Variants in RPH3AL observed in about 807,000 individuals in gnomAD.
RPH3AL encodes rabphilin 3A like (without C2 domains).
Under a neutral mutation model 43.1 loss-of-function variants are expected in RPH3AL, and 38 were observed. That is an observed-to-expected ratio of 0.88 (90% CI 0.68 to 1.15). The LOEUF (loss-of-function observed/expected upper bound fraction) is 1.15, where lower values mean the gene tolerates loss of function less well. RPH3AL is among the 50% of genes most tolerant of loss of function. RPH3AL has a pLI of 0.00. For missense variants in RPH3AL, 462 were observed against 423.2 expected (o/e 1.09, Z -0.81); for synonymous variants, 189 against 176.3 (o/e 1.07, Z -0.57).
intron 6 of RPH3AL, among the ~76,000 whole-genome samples, chr17:268,914 C>T (rs373535044): frequency 4.8e-4 from 73 of 151,792 alleles, no homozygotes; most frequent in Non-Finnish European, 6.8e-4. Flanking sequence ...AGTCTCGCTC[C>T]GTCACCCAGG....
chr17:315,646 T>TA (rs1567510861), intron 5 of RPH3AL, among the ~76,000 whole-genome samples: 8 of 148,062 alleles, frequency 5.4e-5, no homozygotes, highest in Admixed American at 6.7e-5. Flanking sequence ...TGACCTGTAG[T>TA]CCCTGTGCTC....
intron 3 of RPH3AL, 114 bp from the exon 4 acceptor site, chr17:321,529 C>A: frequency 8.3e-7 from 1 of 1,208,672 alleles, no homozygotes; most frequent in Non-Finnish European, 1.1e-6. Flanking sequence ...CCAGGTGCCG[C>A]GTGCCGGGAC....
chr17:302,410 G>C (rs1216858999), intron 5 of RPH3AL, among the ~76,000 whole-genome samples: 2 of 152,216 alleles, frequency 1.3e-5, no homozygotes, highest in Non-Finnish European at 2.9e-5. Flanking sequence ...ATTTACACAA[G>C]GTCCAAGGAG....
At chr17:293,905 C>T (rs7501694) in intron 5 of RPH3AL, among the ~76,000 whole-genome samples, 113,285 of 151,954 alleles carry the variant, frequency 0.75, 42,344 homozygotes, top group Middle Eastern at 0.82. Flanking sequence ...GGTACTCACC[C>T]GGAATCCCAG....
intron 5 of RPH3AL, among the ~76,000 whole-genome samples, chr17:315,928 GC>G (rs1432976130): frequency 3.3e-5 from 4 of 122,272 alleles, no homozygotes; most frequent in African/African-American, 6.5e-5. Flanking sequence ...TAGTCCCTGT[GC>G]CCCCACCTCC....
Position 247,051 on chromosome 17 carries a change from G to A in RPH3AL, c.613+60C>T, listed in dbSNP as rs565650437. On this transcript the variant is annotated intron_variant, in intron 7 of 9. Coordinates refer to ENST00000331302, the MANE Select transcript of RPH3AL (RefSeq NM_006987.4). ...ACTGGCCTTGTGCCTGCAAACTGCC[G>A]GGCTGGCTAATGACCCAAACTTTAC... 8.8e-4 allele frequency: 1,407 copies of A among 1,593,968 alleles called. 1 individual carries two copies. Among genetic ancestry groups the A allele is most frequent in the Non-Finnish European group, 1.1e-3 (1,290 of 1,163,144 alleles).
Position 215,608 on chromosome 17 carries a change from G to A in RPH3AL, c.876+46C>T, listed in dbSNP as rs569901036. The A allele has an allele frequency of 4.4e-5, 55 of 1,254,220 alleles. No homozygotes were observed. Among genetic ancestry groups the A allele is most frequent in the African/African-American group, 3.6e-4 (23 of 64,592 alleles). 77.7% of individuals were successfully genotyped at this position (1,254,220 alleles called of 1,614,324 possible). On this transcript the variant is annotated intron_variant, in intron 9 of 9. Coordinates refer to ENST00000331302, the MANE Select transcript of RPH3AL (RefSeq NM_006987.4). The surrounding 1 kb of genome is among the most constrained non-coding windows in gnomAD (Gnocchi z 4.1). ...GGGAGGAGTGAGTGAGAGAGGACACGGCCGCGGGGGCAGGAGAGGGGAGAA... is the reference window on the plus strand; with the variant it reads ...GGGAGGAGTGAGTGAGAGAGGACACAGCCGCGGGGGCAGGAGAGGGGAGAA...
In RPH3AL at chr17:290,580, C is replaced by A. The variant is rs2043025071; in HGVS notation, c.352-8726G>T. ...GCTTCCTGCGACTCCCCGTCCCACCCCTTCTCCTTCCCAGATGGCACCCAA... is the reference window on the plus strand; with the variant it reads ...GCTTCCTGCGACTCCCCGTCCCACCACTTCTCCTTCCCAGATGGCACCCAA... On this transcript the variant is annotated intron_variant, in intron 5 of 9. Transcript: ENST00000331302. The surrounding 1 kb of genome is among the most constrained non-coding windows in gnomAD (Gnocchi z 4.2). Among the ~76,000 whole-genome samples, 1 of 152,150 alleles carries A rather than the reference C, an allele frequency of 6.6e-6. No individual in the cohort carries two copies. Among genetic ancestry groups the A allele is most frequent in the Non-Finnish European group, 1.5e-5 (1 of 68,028 alleles).
At chr17:220,431 G>T (rs879074067) in intron 7 of RPH3AL, among the ~76,000 whole-genome samples, 3 of 87,242 alleles carry the variant, frequency 3.4e-5, no homozygotes, top group South Asian at 3.9e-4. Context: ...GCCTCCACTC[G>T]GTGAGACAAT....
chr17:350,300 A>T (rs1468461712), intron 1 of RPH3AL, among the ~76,000 whole-genome samples: 2 of 152,118 alleles, frequency 1.3e-5, no homozygotes, highest in Non-Finnish European at 2.9e-5. Flanking sequence ...AACATAGTTA[A>T]ACCTCATCTC....
Position 333,273 on chromosome 17 carries a change from A to C in RPH3AL, c.-37+486T>G. 2 of 1,287,764 alleles carry C rather than the reference A, an allele frequency of 1.6e-6. No individual in the cohort carries two copies. The highest frequency in any genetic ancestry group is 2.5e-5 in the South Asian group (2 of 80,972). 79.8% of individuals were successfully genotyped at this position (1,287,764 alleles called of 1,614,324 possible). A position where few individuals can be genotyped will look rare whatever the true frequency, so the allele number is the denominator to read the frequency against. On this transcript the variant is annotated intron_variant, in intron 2 of 9. Coordinates refer to ENST00000331302, the MANE Select transcript of RPH3AL (RefSeq NM_006987.4). This position sits in a 1 kb window ranked among gnomAD's most constrained non-coding sequence, Gnocchi z 4.5. ...GCAGACACAGAGACGGCCATTATGC[A>C]GCCTCACGTGGTCACTCCTGGGGGC... is the stretch of plus-strand genomic sequence containing the variant.
chr17:232,220 G>A (rs951377954), intron 7 of RPH3AL, among the ~76,000 whole-genome samples: 7 of 152,184 alleles, frequency 4.6e-5, no homozygotes, highest in South Asian at 2.1e-4. Context: ...CTGAGACTAC[G>A]GTGCAAATTA....
intron 5 of RPH3AL, among the ~76,000 whole-genome samples, chr17:314,426 T>C (rs58287733): frequency 0.039 from 4,252 of 108,784 alleles, 200 homozygotes; most frequent in Admixed American, 0.055. Flanking sequence ...CACTGACATG[T>C]AGTCCCTCTG....
intron 5 of RPH3AL, among the ~76,000 whole-genome samples, chr17:315,833 G>A (rs1555519858): frequency 2.0e-5 from 3 of 146,772 alleles, no homozygotes; most frequent in African/African-American, 7.7e-5. Context: ...TGTAGTCCCT[G>A]TGCCCCCACC....
rs140195487 is a variant in RPH3AL, at chr17:321,787, G to A, written c.78-372C>T. ...GACGGGGCAGACACAGGCTCCAAGC[G>A]CCAGCCCTGCCATCCGCCAGCTCCT... On this transcript the variant is annotated intron_variant, in intron 3 of 9. Coordinates refer to ENST00000331302, the MANE Select transcript of RPH3AL (RefSeq NM_006987.4). 9.1e-4 allele frequency among the ~76,000 whole-genome samples: 139 copies of A among 152,328 alleles called. 1 individual carries two copies. In the East Asian group the frequency reaches 0.024, roughly 26 times the overall value.
intron 5 of RPH3AL, among the ~76,000 whole-genome samples, chr17:307,124 C>T (rs1479886834): frequency 6.6e-6 from 1 of 151,954 alleles, no homozygotes; most frequent in Non-Finnish European, 1.5e-5. Context: ...GCCTGTCCCA[C>T]AGCAGATCCT....
At chr17:259,670 T>C (rs1213267572) in intron 6 of RPH3AL, among the ~76,000 whole-genome samples, 1 of 152,218 alleles carries the variant, frequency 6.6e-6, no homozygotes, top group Non-Finnish European at 1.5e-5. Flanking sequence ...GCAGCCAGCC[T>C]TGAAAATGCC....
intron 6 of RPH3AL, among the ~76,000 whole-genome samples, chr17:269,632 T>G (rs957459180): frequency 6.6e-6 from 1 of 152,216 alleles, no homozygotes; most frequent in Non-Finnish European, 1.5e-5. Flanking sequence ...AAGCTTCAGT[T>G]TCTCCACCTG....
Position 247,213 on chromosome 17 carries a change from G to A in RPH3AL, c.511C>T (p.Arg171Ter), listed in dbSNP as rs536297909. The A allele has an allele frequency of 1.7e-5, 27 of 1,613,736 alleles. No homozygotes were observed. The highest frequency in any genetic ancestry group is 1.2e-4 in the South Asian group (11 of 91,030). The change falls in exon 7 of 10, where the codon CGA (arginine) becomes TGA (stop). Residue 171 changes from arginine to a stop codon, truncating the protein, a stop_gained. Coordinates refer to ENST00000331302, the MANE Select transcript of RPH3AL (RefSeq NM_006987.4). LOFTEE classifies it high-confidence loss of function. ...GGTCGGAAGTGGGGGTCATCAGCTC[G>A]GCCAGGGGTCTTCAGGGGCAAGATA... Reference protein sequence around the residue: ...KYILPLKTPGRADDPHFRPLP... With the variant: ...KYILPLKTPG
Sources: gnomAD v4.1 joint callset for allele counts (sites outside exome capture counted in the v4.1 genomes callset) on GRCh38, gnomAD v4.1.1 for gene constraint, Gnocchi (gnomAD v3.1) non-coding constraint, MANE v1.5 for transcripts, NCBI Gene and HGNC (gene_info 2026-07-23, HGNC 2026-07-21) for gene names.